The following DPH6 variants were observed in gnomAD, a reference collection of about 807,000 sequenced individuals.
DPH6 encodes the protein diphthamine biosynthesis 6, also known as diphthine--ammonia ligase.
A neutral mutation model predicts 38.2 loss-of-function variants in DPH6; 33 were observed. The observed-to-expected ratio is 0.86, with a 90% confidence interval of 0.65 to 1.15. The LOEUF (loss-of-function observed/expected upper bound fraction) is 1.15, where lower values mean the gene tolerates loss of function less well. Among genes scored for constraint, DPH6 ranks in the 50% most tolerant of loss-of-function variants. The pLI, the probability that DPH6 is intolerant of heterozygous loss-of-function variation, is 0.00. For synonymous variants in DPH6, 108 were observed against 103.0 expected, an observed-to-expected ratio of 1.05 and a Z score of -0.30; for missense variants, 325 against 320.0, an observed-to-expected ratio of 1.02 and a Z score of -0.12.
intron 3 of DPH6, among the ~76,000 whole-genome samples, chr15:35,322,362 C>T (rs1050033213): frequency 6.6e-6 from 1 of 152,298 alleles, no homozygotes; most frequent in Non-Finnish European, 1.5e-5. Flanking sequence ...GTTATAATTG[C>T]TTTAAACTAT....
rs529382043 is a variant in DPH6, at chr15:35,471,896, A to G, written c.313-17076T>C. Among the ~76,000 whole-genome samples the G allele has an allele frequency of 3.9e-5, 6 of 152,342 alleles. No homozygotes were observed. The East Asian group carries it at 1.2e-3, about 29-fold the overall frequency. On this transcript the variant is annotated intron_variant, in intron 3 of 8. Coordinates refer to ENST00000256538, the MANE Select transcript of DPH6 (RefSeq NM_080650.4). ...CACATAGTGTGCAGTATAATGCCTT[A>G]TCTTCAATCAAAAAAAGTGCATGAG...
chr15:35,165,520 C>A, the DPH6 span, among the ~76,000 whole-genome samples: 31 of 151,942 alleles, frequency 2.0e-4, no homozygotes, highest in Middle Eastern at 3.4e-3. Flanking sequence ...TGTTGAAACT[C>A]AAATTGTTCT....
intron 3 of DPH6, among the ~76,000 whole-genome samples, chr15:35,477,673 C>A (rs1447902871): frequency 6.6e-6 from 1 of 151,826 alleles, no homozygotes; most frequent in African/African-American, 2.4e-5. Context: ...CATAGTGATT[C>A]ATTTTCTATC....
At chr15:35,325,267 T>A (rs2052273074) in intron 3 of DPH6, among the ~76,000 whole-genome samples, 1 of 152,098 alleles carries the variant, frequency 6.6e-6, no homozygotes, top group Non-Finnish European at 1.5e-5. Context: ...GGTTAAAAAA[T>A]ACCAAGATAA....
intron 6 of DPH6, among the ~76,000 whole-genome samples, chr15:35,397,868 T>TACACACACACACAC (rs57530358): frequency 1.1e-5 from 1 of 87,256 alleles, no homozygotes; most frequent in African/African-American, 4.6e-5. Flanking sequence ...TTTATATATA[T>TACACACACACACAC]ACACACACAC....
intron 3 of DPH6, among the ~76,000 whole-genome samples, chr15:35,313,361 T>G (rs1436120418): frequency 6.6e-6 from 1 of 151,846 alleles, no homozygotes; most frequent in African/African-American, 2.4e-5. Flanking sequence ...TTTTTTTTTT[T>G]CTATTTCTGT....
At chr15:35,423,615 T>C (rs142439723) in intron 5 of DPH6, among the ~76,000 whole-genome samples, 1 of 151,784 alleles carries the variant, frequency 6.6e-6, no homozygotes, top group Non-Finnish European at 1.5e-5. Flanking sequence ...AAAATCATTG[T>C]CCAGTCCAAT....
chr15:35,311,608 G>C (rs575769190), intron 3 of DPH6, among the ~76,000 whole-genome samples: 2 of 152,166 alleles, frequency 1.3e-5, no homozygotes, highest in Non-Finnish European at 2.9e-5. Flanking sequence ...CACAGAGAGC[G>C]AGAGAGACAG....
chr15:35,462,914 A>G (rs2054082948), intron 3 of DPH6, among the ~76,000 whole-genome samples: 1 of 152,132 alleles, frequency 6.6e-6, no homozygotes, highest in African/African-American at 2.4e-5. Flanking sequence ...GACCTAAAAC[A>G]AAGGCAATAA....
Position 35,284,404 on chromosome 15 carries a change from A to T in DPH6, n.201-63822T>A, listed in dbSNP as rs148873680. 2.5e-3 allele frequency among the ~76,000 whole-genome samples: 388 copies of T among 152,256 alleles called. 2 individuals are homozygous for T. Among genetic ancestry groups the T allele is most frequent in the African/African-American group, 8.8e-3 (366 of 41,542 alleles). Reference sequence around the variant, plus strand: ...TTATTTGGCTAAATTTTTATCCTGAAATAGTCCAAGGAGACGTGTCTACAT... The same window carrying T: ...TTATTTGGCTAAATTTTTATCCTGATATAGTCCAAGGAGACGTGTCTACAT... On this transcript the variant is annotated intron_variant and non_coding_transcript_variant, in intron 3 of 3. Coordinates refer to the DPH6 transcript ENST00000560386.
chr15:35,321,257 C>A (rs904801983), intron 3 of DPH6, among the ~76,000 whole-genome samples: 1 of 152,226 alleles, frequency 6.6e-6, no homozygotes, highest in Non-Finnish European at 1.5e-5. Flanking sequence ...GTTAGCTTGG[C>A]CTATGCCAAG....
chr15:35,442,413 T>C (rs993782869), intron 5 of DPH6, among the ~76,000 whole-genome samples: 1 of 152,184 alleles, frequency 6.6e-6, no homozygotes, highest in African/African-American at 2.4e-5. Context: ...GGAACCCTCA[T>C]TCATTGCTAG....
chr15:35,454,395 TTTA>T (rs2053971015), intron 4 of DPH6, among the ~76,000 whole-genome samples: 1 of 152,166 alleles, frequency 6.6e-6, no homozygotes, highest in African/African-American at 2.4e-5. Context: ...CTGTATTCCT[TTTA>T]TTATCTCTTG....
intron 8 of DPH6, among the ~76,000 whole-genome samples, chr15:35,372,887 C>T (rs2052731263): frequency 6.6e-6 from 1 of 151,954 alleles, no homozygotes; most frequent in Non-Finnish European, 1.5e-5. Flanking sequence ...ACACTCATTT[C>T]TTCACATAAT....
chr15:35,322,586 A>G (rs1047698498), intron 3 of DPH6, among the ~76,000 whole-genome samples: 1 of 152,078 alleles, frequency 6.6e-6, no homozygotes, highest in African/African-American at 2.4e-5. Context: ...GTATCACTAC[A>G]TTTCTCTTTT....
At chr15:35,213,970 G>C (rs2051400281), downstream of DPH6, among the ~76,000 whole-genome samples, 3 of 152,166 alleles carry the variant, frequency 2.0e-5, no homozygotes, top group Admixed American at 2.0e-4. Flanking sequence ...AAATTAGCCA[G>C]ACGTGGTGGC....
chr15:35,279,068 A>AAAAAAAAAAAATATATATAT (rs1555390826), intron 3 of DPH6, among the ~76,000 whole-genome samples: 1 of 102,992 alleles, frequency 9.7e-6, no homozygotes, highest in African/African-American at 4.8e-5. Flanking sequence ...AAAAAAAAAA[A>AAAAAAAAAAAATATATATAT]ATATATATAT....
In DPH6 at chr15:35,538,374, C is replaced by T. The variant is rs778508898; in HGVS notation, c.212G>A (p.Arg71His). ...CAAGCTCCTTCCTCTTATGGTTCGG[C>T]GATAGAGGGGAAGAGCCATTGCTTC... Reference protein sequence around the residue: ...YAEAMALPLYRRTIRGRSLDT... With the variant: ...YAEAMALPLYHRTIRGRSLDT... Residue 71 changes from arginine (R) to histidine (H), a missense_variant, in exon 3 of 9, where the codon CGC becomes CAC. By Grantham distance (29) the Arg-to-His change is conservative (BLOSUM62 0). Coordinates refer to ENST00000256538, the MANE Select transcript of DPH6 (RefSeq NM_080650.4). The T allele has an allele frequency of 5.6e-6, 9 of 1,611,334 alleles. No individual in the cohort carries two copies. The highest frequency in any genetic ancestry group is 1.1e-5 in the South Asian group (1 of 90,782).
At chr15:35,391,271 T>G (rs1365192304) in intron 6 of DPH6, among the ~76,000 whole-genome samples, 1 of 152,180 alleles carries the variant, frequency 6.6e-6, no homozygotes, top group African/African-American at 2.4e-5. Flanking sequence ...TGCCTCCCAG[T>G]TAGGCTACTT....
Sources: gnomAD v4.1 joint callset for allele counts (sites outside exome capture counted in the v4.1 genomes callset) on GRCh38, gnomAD v4.1.1 for gene constraint, MANE v1.5 for transcripts, NCBI Gene and HGNC (gene_info 2026-07-23, HGNC 2026-07-21) for gene names.